HDLBP: variants seen among roughly 807,000 people sequenced by gnomAD.
HDLBP encodes the protein high density lipoprotein binding protein.
A neutral mutation model predicts 137.3 loss-of-function variants in HDLBP; 30 were observed. The observed-to-expected ratio is 0.22, with a 90% CI of 0.16 to 0.30. HDLBP has a LOEUF of 0.30. Ranked by LOEUF, HDLBP falls within the 10% of genes least tolerant of loss-of-function variation. The pLI is 1.00. For missense variants in HDLBP, 1,119 were observed against 1,667.3 expected (o/e 0.67, Z 5.73); for synonymous variants, 606 against 596.0 (o/e 1.02, Z -0.24).
chr2:241,239,871 C>T lies in HDLBP; in HGVS notation c.2391+30G>A. 6.2e-7 allele frequency: 1 copy of T among 1,612,702 alleles called. No individual in the cohort carries two copies. The highest frequency in any genetic ancestry group is 1.3e-5 in the African/African-American group (1 of 75,000). ...ATAAGCCACCCCATCACGGCCCCAG[C>T]AGAGTCGGCCGCCGAGGCCCGCTCC... On this transcript the variant is annotated intron_variant, in intron 18 of 27. Transcript: ENST00000310931. This position sits in a 1 kb window ranked among gnomAD's most constrained non-coding sequence, Gnocchi z 4.6.
At chr2:241,256,160 A>T in intron 7 of HDLBP, 24 bp downstream of exon 7, 1 of 1,596,038 alleles carries the variant, frequency 6.3e-7, no homozygotes, top group Non-Finnish European at 8.6e-7. Context: ...GCCCATGGGG[A>T]TTTGCCTCCT....
intron 16 of HDLBP, among the ~76,000 whole-genome samples, chr2:241,245,104 A>C (rs531506843): frequency 6.6e-5 from 10 of 152,332 alleles, no homozygotes; most frequent in African/African-American, 2.2e-4. Context: ...GTGTTTGTTA[A>C]ACATATGTAA....
chr2:241,267,894 G>C, intron 2 of HDLBP: 6 of 985,440 alleles, frequency 6.1e-6, no homozygotes, highest in Non-Finnish European at 7.2e-6. Flanking sequence ...CAGCCACAGT[G>C]CTCAGCGGGA....
chr2:241,285,719 G>C (rs748101272), intron 1 of HDLBP, among the ~76,000 whole-genome samples: 1 of 152,126 alleles, frequency 6.6e-6, no homozygotes, highest in African/African-American at 2.4e-5. Context: ...GAAATTTCAA[G>C]AAAAACAAGT....
chr2:241,284,548 C>G (rs768673085), intron 1 of HDLBP, among the ~76,000 whole-genome samples: 1 of 152,172 alleles, frequency 6.6e-6, no homozygotes, highest in Non-Finnish European at 1.5e-5. Context: ...GTTGAAATGA[C>G]AACAGAGGAT....
chr2:241,293,261 G>A (rs1238712968), intron 1 of HDLBP, among the ~76,000 whole-genome samples: 1 of 152,034 alleles, frequency 6.6e-6, no homozygotes, highest in African/African-American at 2.4e-5. Context: ...GATCACTTAA[G>A]CCCAGGAGTT....
chr2:241,238,375 C>T lies in HDLBP; in HGVS notation c.2749+274G>A, dbSNP rs545640670. The T allele has an allele frequency of 3.8e-4, 107 of 284,864 alleles. No individual in the cohort carries two copies. Among genetic ancestry groups the T allele is most frequent in the African/African-American group, 2.1e-3 (99 of 46,080 alleles). 17.6% of individuals were successfully genotyped at this position (284,864 alleles called of 1,614,324 possible). A position where few individuals can be genotyped will look rare whatever the true frequency, so the allele number is the denominator to read the frequency against. ...TCACTGGGACTGAACTCGGGACACCCGAGGATGAGGCTGCACGCTCCTCAT... is the reference window on the plus strand; with the variant it reads ...TCACTGGGACTGAACTCGGGACACCTGAGGATGAGGCTGCACGCTCCTCAT... On this transcript the variant is annotated intron_variant, in intron 20 of 27. Coordinates refer to ENST00000310931, the MANE Select transcript of HDLBP (RefSeq NM_005336.6). This position sits in a 1 kb window ranked among gnomAD's most constrained non-coding sequence, Gnocchi z 4.9.
intron 16 of HDLBP, among the ~76,000 whole-genome samples, chr2:241,246,414 G>A (rs964960320): frequency 6.6e-6 from 1 of 152,148 alleles, no homozygotes; most frequent in Non-Finnish European, 1.5e-5. Flanking sequence ...ATTGTACACT[G>A]TAAATATGTA....
intron 1 of HDLBP, among the ~76,000 whole-genome samples, chr2:241,276,283 T>C (rs2074383736): frequency 6.6e-6 from 1 of 152,202 alleles, no homozygotes; most frequent in African/African-American, 2.4e-5. Context: ...ACTAAACTCT[T>C]ACTCAAATGG....
chr2:241,289,789 AAG>A (rs911039234), intron 1 of HDLBP, among the ~76,000 whole-genome samples: 1 of 152,148 alleles, frequency 6.6e-6, no homozygotes, highest in Non-Finnish European at 1.5e-5. Context: ...CACCAAAGGT[AAG>A]GAGTGCCCTC....
In HDLBP at chr2:241,230,159, C is replaced by G. The variant is rs1439250824; in HGVS notation, c.3585G>C (p.Glu1195Asp). Residue 1195 changes from glutamate (E) to aspartate (D), a missense_variant, in exon 26 of 28, where the codon GAG (glutamate) becomes GAC (aspartate). Coordinates refer to ENST00000310931, the MANE Select transcript of HDLBP (RefSeq NM_005336.6). This position sits in a 1 kb window ranked among gnomAD's most constrained non-coding sequence, Gnocchi z 5.0. Reference protein sequence around the residue: ...EAIDHILNLEEEYLADVVDSE... With the variant: ...EAIDHILNLEDEYLADVVDSE... ...AAGGCCCACAGAGACTCACGTATTC[C>G]TCCTCCAGATTGAGGATGTGGTCGA... The G allele has an allele frequency of 5.0e-6, 8 of 1,610,856 alleles. No individual in the cohort carries two copies. Among genetic ancestry groups the G allele is most frequent in the Non-Finnish European group, 6.8e-6 (8 of 1,177,110 alleles).
chr2:241,295,157 A>T (rs2075131868), intron 1 of HDLBP, among the ~76,000 whole-genome samples: 1 of 152,220 alleles, frequency 6.6e-6, no homozygotes, highest in Non-Finnish European at 1.5e-5. Flanking sequence ...CATTTCAAAA[A>T]TGCCCAAAAA....
chr2:241,273,701 C>T (rs2074280201), intron 1 of HDLBP: 1 of 975,350 alleles, frequency 1.0e-6, no homozygotes, highest in Non-Finnish European at 1.2e-6. Context: ...GGGGACAAGA[C>T]CGTCCCACAC....
intron 1 of HDLBP, among the ~76,000 whole-genome samples, chr2:241,309,170 C>T (rs2075683683): frequency 6.6e-6 from 1 of 152,202 alleles, no homozygotes; most frequent in Non-Finnish European, 1.5e-5. Flanking sequence ...TCCCCCACTC[C>T]ACTCCCCTCG....
At chr2:241,314,805 C>A (rs2075955669) in intron 1 of HDLBP, among the ~76,000 whole-genome samples, 1 of 152,184 alleles carries the variant, frequency 6.6e-6, no homozygotes, top group Non-Finnish European at 1.5e-5. Context: ...GGCTCAGGTT[C>A]CCAACACCAT....
chr2:241,295,639 T>G (rs1300192782), intron 1 of HDLBP, among the ~76,000 whole-genome samples: 1 of 152,164 alleles, frequency 6.6e-6, no homozygotes, highest in African/African-American at 2.4e-5. Flanking sequence ...CACCCAAAGA[T>G]AGGGAATCCC....
chr2:241,277,524 G>T (rs2074433170), intron 1 of HDLBP, among the ~76,000 whole-genome samples: 1 of 152,198 alleles, frequency 6.6e-6, no homozygotes, highest in Non-Finnish European at 1.5e-5. Flanking sequence ...GAAAAATCAT[G>T]TAAGAATTCT....
chr2:241,240,263 A>G lies in HDLBP; in HGVS notation c.2170-141T>C. 1.3e-6 allele frequency: 1 copy of G among 758,338 alleles called. No homozygotes were observed. The highest frequency in any genetic ancestry group is 1.5e-5 in the South Asian group (1 of 65,424). The allele number at this position is 758,338 out of a possible 1,614,324, so 47.0% of individuals were successfully genotyped here. A position where few individuals can be genotyped will look rare whatever the true frequency, so the allele number is the denominator to read the frequency against. On this transcript the variant is annotated intron_variant, in intron 17 of 27. Transcript: ENST00000310931. The surrounding 1 kb of genome is among the most constrained non-coding windows in gnomAD (Gnocchi z 5.5). ...TCCTGATGTTGCACCAATACCCCCA[A>G]AATGGGGCTAGCACACCTCACTGAA...
chr2:241,245,255 C>A (rs1228572120), intron 16 of HDLBP, among the ~76,000 whole-genome samples: 1 of 151,478 alleles, frequency 6.6e-6, no homozygotes, highest in Non-Finnish European at 1.5e-5. Flanking sequence ...GCAATCTCAG[C>A]TCACTGCAAC....
Sources: gnomAD v4.1 joint callset for allele counts (sites outside exome capture counted in the v4.1 genomes callset) on GRCh38, gnomAD v4.1.1 for gene constraint, Gnocchi (gnomAD v3.1) non-coding constraint, MANE v1.5 for transcripts, NCBI Gene and HGNC (gene_info 2026-07-23, HGNC 2026-07-21) for gene names.